Variants in TRIO observed in about 807,000 individuals in gnomAD.
TRIO encodes the protein triple functional domain protein.
Under a neutral mutation model 351.9 loss-of-function variants are expected in TRIO, and 58 were observed. The observed-to-expected ratio is 0.16, with a 90% CI of 0.13 to 0.21. The LOEUF (loss-of-function observed/expected upper bound fraction) is 0.21. TRIO is among the 10% of genes least tolerant of loss of function. The pLI is 1.00. For synonymous variants in TRIO, 1,758 were observed against 1,595.7 expected, an observed-to-expected ratio of 1.10 and a Z score of -2.42; for missense variants, 3,201 against 4,027.8, an observed-to-expected ratio of 0.79 and a Z score of 5.56.
At position 14,336,598 on chromosome 5, in the gene TRIO, A is replaced by G; in HGVS notation, c.1917A>G (p.Glu639=). The G allele has an allele frequency of 6.2e-7, 1 of 1,614,204 alleles. No homozygotes were observed. Among genetic ancestry groups the G allele is most frequent in the Non-Finnish European group, 8.5e-7 (1 of 1,180,030 alleles). ...CAGAACAGCTGGCTCAGACTGGGGA[A>G]TGTGACCCCGAAGAGATTTATCAGG... The part of the protein sequence containing the change: ...EAAEQLAQTG[E]CDPEEIYQAA... Residue 639 remains glutamate, a synonymous_variant, in exon 11 of 57, where the codon GAA becomes GAG. Coordinates refer to ENST00000344204, the MANE Select transcript of TRIO (RefSeq NM_007118.4).
At chr5:14,160,390 C>T (rs1025156437) in intron 1 of TRIO, among the ~76,000 whole-genome samples, 6 of 152,178 alleles carry the variant, frequency 3.9e-5, no homozygotes, top group African/African-American at 1.4e-4. Flanking sequence ...TGGTTTTCAT[C>T]TTCAAAGGAC....
At chr5:14,338,928 G>C (rs940544833) in intron 11 of TRIO, among the ~76,000 whole-genome samples, 2 of 152,150 alleles carry the variant, frequency 1.3e-5, no homozygotes, top group East Asian at 1.9e-4. Context: ...TGAGGTAAGG[G>C]TCTAGCTTCC....
intron 1 of TRIO, among the ~76,000 whole-genome samples, chr5:14,170,233 G>A (rs902779169): frequency 1.3e-5 from 2 of 152,074 alleles, no homozygotes; most frequent in African/African-American, 4.8e-5. Context: ...AGTTCTTTGT[G>A]AGAGCTTTAT....
At chr5:14,400,592 G>C (rs1033284791) in intron 30 of TRIO, among the ~76,000 whole-genome samples, 1 of 152,152 alleles carries the variant, frequency 6.6e-6, no homozygotes, top group Non-Finnish European at 1.5e-5. Context: ...AGAGAACATG[G>C]TGGCAGCCCT....
intron 1 of TRIO, among the ~76,000 whole-genome samples, chr5:14,200,260 G>A (rs1404875958): frequency 2.0e-5 from 3 of 151,944 alleles, no homozygotes; most frequent in Non-Finnish European, 2.9e-5. Flanking sequence ...TCCCTTCCCC[G>A]TGAATCCCCA....
In TRIO at chr5:14,280,030, T is replaced by G. The variant is rs73751327; in HGVS notation, c.233-292T>G. Among the ~76,000 whole-genome samples the G allele has an allele frequency of 0.033, 4,966 of 152,256 alleles. 288 individuals carry two copies. Among genetic ancestry groups the G allele is most frequent in the African/African-American group, 0.11 (4,738 of 41,518 alleles). Reference sequence around the variant, plus strand: ...GAAACACATGGACGTGACAACTTTTTTTTCTGTCCAAAACATAAAAACTGA... The same window carrying G: ...GAAACACATGGACGTGACAACTTTTGTTTCTGTCCAAAACATAAAAACTGA... On this transcript the variant is annotated intron_variant, in intron 2 of 56. Transcript: ENST00000344204.
At chr5:14,331,606 G>A (rs1156601592) in intron 10 of TRIO, among the ~76,000 whole-genome samples, 2 of 152,094 alleles carry the variant, frequency 1.3e-5, no homozygotes, top group Admixed American at 6.5e-5. Context: ...CCCAAAATTC[G>A]AACCTCATGT....
At chr5:14,335,944 C>T (rs1228375431) in intron 10 of TRIO, among the ~76,000 whole-genome samples, 1 of 151,930 alleles carries the variant, frequency 6.6e-6, no homozygotes. Flanking sequence ...CAGCCTGGGC[C>T]ACAGAGTGAG....
At chr5:14,250,315 G>A (rs972063799) in intron 1 of TRIO, among the ~76,000 whole-genome samples, 4 of 152,196 alleles carry the variant, frequency 2.6e-5, no homozygotes, top group Non-Finnish European at 4.4e-5. Flanking sequence ...GCGACTGTGC[G>A]TTTGTAATTA....
chr5:14,157,770 T>G (rs915613578), intron 1 of TRIO, among the ~76,000 whole-genome samples: 1 of 152,082 alleles, frequency 6.6e-6, no homozygotes, highest in African/African-American at 2.4e-5. Context: ...TCTTTTTTTG[T>G]AGAGATGGGG....
At chr5:14,396,257 T>G (rs1311322098) in intron 28 of TRIO, among the ~76,000 whole-genome samples, 1 of 151,768 alleles carries the variant, frequency 6.6e-6, no homozygotes, top group Non-Finnish European at 1.5e-5. Flanking sequence ...AAGTAACTCA[T>G]GCGGTGTTAC....
At chr5:14,426,603 T>TA (rs1750659493) in intron 34 of TRIO, among the ~76,000 whole-genome samples, 1 of 152,146 alleles carries the variant, frequency 6.6e-6, no homozygotes. Context: ...CTGTTGAACT[T>TA]AAAAATGGGA....
intron 14 of TRIO, among the ~76,000 whole-genome samples, chr5:14,364,223 C>T (rs557313714): frequency 6.6e-6 from 1 of 152,272 alleles, no homozygotes; most frequent in East Asian, 1.9e-4. Context: ...AACATTTTCA[C>T]ATTCTTTATT....
chr5:14,320,898 C>T (rs909079056), intron 9 of TRIO, among the ~76,000 whole-genome samples: 9 of 152,164 alleles, frequency 5.9e-5, no homozygotes, highest in African/African-American at 7.2e-5. Context: ...TTGAATCCTC[C>T]TTGTCAAGGT....
At chr5:14,287,557 T>C (rs1736554218) in intron 4 of TRIO, among the ~76,000 whole-genome samples, 1 of 152,198 alleles carries the variant, frequency 6.6e-6, no homozygotes, top group Non-Finnish European at 1.5e-5. Flanking sequence ...TGTTAAAAAC[T>C]GTGCAGAGTC....
At position 14,390,246 on chromosome 5, in the gene TRIO, G is replaced by T; in HGVS notation, c.4074G>T (p.Glu1358Asp). Residue 1358 changes from glutamate to aspartate, a missense_variant, in exon 26 of 57, where the codon GAG (glutamate) becomes GAT (aspartate). Physicochemically the swap from Glu to Asp is conservative, Grantham distance 45. Around this residue, in one of 19 missense-constraint regions of TRIO, gnomAD observed 115 missense variants for 239.6 expected, o/e 0.48. Coordinates refer to ENST00000344204, the MANE Select transcript of TRIO (RefSeq NM_007118.4). The part of the protein sequence containing the change: ...YEFHNNIFLK[E>D]LEKYEQLPED... The stretch of plus-strand genomic sequence containing the variant: ...TTCTTTGCAGCATATTCCTAAAGGA[G>T]CTGGAAAAATATGAACAGTTGCCAG... 1 of 1,613,946 alleles carries T rather than the reference G, an allele frequency of 6.2e-7. No individual in the cohort carries two copies. Among genetic ancestry groups the T allele is most frequent in the Non-Finnish European group, 8.5e-7 (1 of 1,179,982 alleles).
intron 1 of TRIO, among the ~76,000 whole-genome samples, chr5:14,155,797 C>T (rs1415394366): frequency 6.6e-6 from 1 of 152,174 alleles, no homozygotes; most frequent in East Asian, 1.9e-4. Context: ...TTGCAGGTCT[C>T]TCCACCCTAT....
At chr5:14,487,267 C>A (rs1439011152) in intron 47 of TRIO, among the ~76,000 whole-genome samples, 197 bp from the exon 48 acceptor site, 2 of 152,160 alleles carry the variant, frequency 1.3e-5, no homozygotes, top group African/African-American at 4.8e-5. Context: ...GCCCCTTCCA[C>A]CCGCTGCACT....
At chr5:14,296,361 G>T (rs1416568406) in intron 6 of TRIO, among the ~76,000 whole-genome samples, 2 of 152,226 alleles carry the variant, frequency 1.3e-5, no homozygotes, top group African/African-American at 4.8e-5. Flanking sequence ...GAACTTTGGA[G>T]GTGGAAAGGG....
Sources: allele counts gnomAD v4.1 joint callset (sites outside exome capture counted in the v4.1 genomes callset), GRCh38; gene constraint gnomAD v4.1.1; regional missense constraint gnomAD v4.1.1; transcripts MANE v1.5; gene names NCBI Gene and HGNC (gene_info 2026-07-23, HGNC 2026-07-21).